NEDD4L: variants seen among roughly 807,000 people sequenced by gnomAD.
The protein encoded by NEDD4L is E3 ubiquitin-protein ligase NEDD4-like.
NEDD4L carries 54 observed loss-of-function variants against 148.9 expected under a neutral mutation model. The observed-to-expected ratio is 0.36, with a 90% CI of 0.29 to 0.45. The LOEUF is 0.45. NEDD4L is among the 20% of genes least tolerant of loss of function. The probability of loss-of-function intolerance (pLI) is 1.00; values close to 1 mark genes in which losing one functional copy is unlikely to be tolerated. For synonymous variants in NEDD4L, 433 were observed against 440.7 expected (o/e 0.98, Z 0.22); for missense variants, 856 against 1,233.8 (o/e 0.69, Z 4.59).
At chr18:58,302,849 C>T (rs2056653801) in intron 5 of NEDD4L, among the ~76,000 whole-genome samples, 1 of 152,046 alleles carries the variant, frequency 6.6e-6, no homozygotes, top group African/African-American at 2.4e-5. Context: ...CCTCCCACGG[C>T]GTACTTCAGA....
At chr18:58,081,109 TAA>T (rs1439174309) in intron 1 of NEDD4L, among the ~76,000 whole-genome samples, 5 of 152,072 alleles carry the variant, frequency 3.3e-5, no homozygotes, top group African/African-American at 1.2e-4. Context: ...CAGTGTGCAT[TAA>T]GAGACATTTG....
chr18:58,388,948 T>C, intron 27 of NEDD4L, 137 bp from the exon 28 acceptor site: 1 of 699,608 alleles, frequency 1.4e-6, no homozygotes. Flanking sequence ...GGTGTCTGCC[T>C]TCCTCTGTTG....
intron 1 of NEDD4L, among the ~76,000 whole-genome samples, chr18:58,140,199 C>T (rs1599047770): frequency 6.6e-6 from 1 of 152,162 alleles, no homozygotes; most frequent in Non-Finnish European, 1.5e-5. Flanking sequence ...CTTGCAGCTG[C>T]TGGGCTGATG....
chr18:58,292,110 G>A (rs1017533072), intron 5 of NEDD4L, among the ~76,000 whole-genome samples: 3 of 150,060 alleles, frequency 2.0e-5, no homozygotes, highest in Non-Finnish European at 3.0e-5. Context: ...GCACTCAAAC[G>A]CACAGCTTTG....
intron 25 of NEDD4L, among the ~76,000 whole-genome samples, chr18:58,384,129 C>T (rs2048702691): frequency 6.6e-6 from 1 of 152,298 alleles, no homozygotes; most frequent in East Asian, 1.9e-4. Context: ...CTCCTTTCTT[C>T]TCATTTGGAA....
intron 5 of NEDD4L, among the ~76,000 whole-genome samples, chr18:58,262,067 G>A (rs1483513487): frequency 6.6e-6 from 1 of 152,110 alleles, no homozygotes; most frequent in Non-Finnish European, 1.5e-5. Flanking sequence ...AGTTCTCTTA[G>A]TTCATACCAA....
At chr18:58,278,866 TA>T (rs111984799) in intron 5 of NEDD4L, among the ~76,000 whole-genome samples, 2 of 152,330 alleles carry the variant, frequency 1.3e-5, no homozygotes, top group African/African-American at 4.8e-5. Flanking sequence ...ATTATACTTT[TA>T]TTTTTATTTA....
intron 5 of NEDD4L, among the ~76,000 whole-genome samples, chr18:58,282,403 C>T (rs944315138): frequency 6.6e-5 from 10 of 152,074 alleles, no homozygotes; most frequent in African/African-American, 1.2e-4. Context: ...ATTTATACTG[C>T]GAGCAATTTA....
At chr18:58,149,436 C>T (rs2034439496) in intron 1 of NEDD4L, 2 of 1,526,914 alleles carry the variant, frequency 1.3e-6, no homozygotes, top group Non-Finnish European at 1.8e-6. Context: ...TTACCCTTGG[C>T]TGCAGCCACG....
At chr18:58,392,500 C>T (rs2049967452) in intron 30 of NEDD4L, among the ~76,000 whole-genome samples, 1 of 152,148 alleles carries the variant, frequency 6.6e-6, no homozygotes, top group South Asian at 2.1e-4. Context: ...AAAGGTTTTT[C>T]ACTTCTGTCG....
At chr18:58,115,491 C>T (rs904918778) in intron 1 of NEDD4L, among the ~76,000 whole-genome samples, 2 of 152,100 alleles carry the variant, frequency 1.3e-5, no homozygotes, top group Non-Finnish European at 1.5e-5. Context: ...CCCAGGAGTC[C>T]TCTCAAGATG....
chr18:58,183,446 C>T lies in NEDD4L; in HGVS notation c.122+17585C>T, dbSNP rs140897173. On this transcript the variant is annotated intron_variant, in intron 2 of 30. Coordinates refer to ENST00000400345, the MANE Select transcript of NEDD4L (RefSeq NM_001144967.3). ...TTTGCCCAGAGAGTGGCATTTGTGC[C>T]GGTTCTTAAAGTGTTTCTTGAGCTG... 4.6e-5 allele frequency among the ~76,000 whole-genome samples: 7 copies of T among 152,312 alleles called. No individual in the cohort carries two copies. In the East Asian group the frequency reaches 9.6e-4, roughly 21 times the overall value.
At chr18:58,215,213 G>T (rs765114220) in intron 2 of NEDD4L, among the ~76,000 whole-genome samples, 1 of 152,214 alleles carries the variant, frequency 6.6e-6, no homozygotes, top group African/African-American at 2.4e-5. Flanking sequence ...GTTCATAGAC[G>T]TTGGGAAATT....
At chr18:58,147,992 G>A (rs1286412719) in intron 1 of NEDD4L, among the ~76,000 whole-genome samples, 1 of 151,918 alleles carries the variant, frequency 6.6e-6, no homozygotes, top group Non-Finnish European at 1.5e-5. Flanking sequence ...TGCTGGTCAG[G>A]CCATGTGCCC....
At chr18:58,371,119 T>TGCAACC (rs3063155) in intron 23 of NEDD4L, among the ~76,000 whole-genome samples, 79,094 of 151,400 alleles carry the variant, frequency 0.52, 22,339 homozygotes, top group African/African-American at 0.76. Context: ...CTTGGCTCAC[T>TGCAACC]TCCGCCTTGC....
intron 25 of NEDD4L, 48 bp from the exon 26 acceptor site, chr18:58,385,478 A>G (rs2146785766): frequency 2.1e-6 from 3 of 1,439,624 alleles, no homozygotes; most frequent in South Asian, 1.1e-5. Context: ...AGCAGTGAGC[A>G]CTAGTGATGA....
chr18:58,125,534 T>G (rs2030906319), intron 1 of NEDD4L, among the ~76,000 whole-genome samples: 1 of 152,134 alleles, frequency 6.6e-6, no homozygotes, highest in South Asian at 2.1e-4. Flanking sequence ...GCCCATCACA[T>G]TTAGAACTAA....
chr18:58,234,049 C>CTTTCTTTT (rs1555753202), intron 2 of NEDD4L, among the ~76,000 whole-genome samples: 2 of 67,190 alleles, frequency 3.0e-5, no homozygotes, highest in African/African-American at 6.1e-5. Context: ...CTTTCCTTTT[C>CTTTCTTTT]TTTCTTTCTT....
intron 1 of NEDD4L, among the ~76,000 whole-genome samples, chr18:58,104,589 A>G (rs1412870133): frequency 6.6e-6 from 1 of 152,236 alleles, no homozygotes; most frequent in African/African-American, 2.4e-5. Context: ...AGCACTTTTA[A>G]ATATTTCTTG....
Sources: gnomAD v4.1 joint callset for allele counts (sites outside exome capture counted in the v4.1 genomes callset) on GRCh38, gnomAD v4.1.1 for gene constraint, MANE v1.5 for transcripts, NCBI Gene and HGNC (gene_info 2026-07-23, HGNC 2026-07-21) for gene names.